Variants in NCAM2 observed in about 807,000 individuals in gnomAD.
NCAM2 encodes N-CAM-2.
Under a neutral mutation model 98.1 loss-of-function variants are expected in NCAM2, and 30 were observed. The ratio of observed to expected loss-of-function variants is 0.31; its 90% CI spans 0.23 to 0.41. NCAM2 has a LOEUF of 0.41. Among genes scored for constraint, NCAM2 ranks in the 10% least tolerant of loss-of-function variants. NCAM2 has a pLI of 1.00. For synonymous variants in NCAM2, 368 were observed against 342.4 expected (o/e 1.07, Z -0.83); for missense variants, 867 against 1,005.8 (o/e 0.86, Z 1.87).
At chr21:21,351,046 G>A (rs1408773786) in intron 8 of NCAM2, among the ~76,000 whole-genome samples, 1 of 148,982 alleles carries the variant, frequency 6.7e-6, no homozygotes, top group African/African-American at 2.5e-5. Context: ...CGCGGGAGGC[G>A]GAGGTTGCAG....
At chr21:21,530,416 TA>T (rs1399105748) in intron 16 of NCAM2, among the ~76,000 whole-genome samples, 1 of 149,016 alleles carries the variant, frequency 6.7e-6, no homozygotes, top group African/African-American at 2.4e-5. Flanking sequence ...CAAAGAAATG[TA>T]AAAAGTAGAA....
At position 21,538,010 on chromosome 21, in the gene NCAM2, G is replaced by T. The variant is rs2146438680; in HGVS notation, c.*53G>T. On this transcript the variant is annotated 3_prime_UTR_variant, in exon 18 of 18. Transcript: ENST00000400546. Reference sequence around the variant, plus strand: ...ACTACGAAGAGTATTTGGATTGCGTGACCCTATGACCAAAACTATTCCATT... The same window carrying T: ...ACTACGAAGAGTATTTGGATTGCGTTACCCTATGACCAAAACTATTCCATT... 9.7e-7 allele frequency: 1 copy of T among 1,028,688 alleles called. No individual in the cohort carries two copies. Among genetic ancestry groups the T allele is most frequent in the South Asian group, 1.8e-5 (1 of 55,878 alleles). The allele number at this position is 1,028,688 out of a possible 1,614,324, so 63.7% of individuals were successfully genotyped here.
intron 1 of NCAM2, among the ~76,000 whole-genome samples, chr21:21,059,015 C>G (rs1345406227): frequency 6.6e-6 from 1 of 152,076 alleles, no homozygotes; most frequent in African/African-American, 2.4e-5. Context: ...GACTGCATAT[C>G]TCTGTCTTGT....
At chr21:21,137,855 G>C (rs1172031697) in intron 1 of NCAM2, among the ~76,000 whole-genome samples, 1 of 139,668 alleles carries the variant, frequency 7.2e-6, no homozygotes, top group East Asian at 2.1e-4. Flanking sequence ...TTTTTTTTCT[G>C]TGTTGTGATT....
chr21:21,186,234 T>C (rs1284221781), intron 1 of NCAM2, among the ~76,000 whole-genome samples: 2 of 152,206 alleles, frequency 1.3e-5, no homozygotes, highest in African/African-American at 2.4e-5. Context: ...TTTTGTGTAA[T>C]AGCTCAAATT....
intron 1 of NCAM2, among the ~76,000 whole-genome samples, chr21:21,099,538 T>C (rs2066195152): frequency 6.6e-6 from 1 of 151,838 alleles, no homozygotes; most frequent in Non-Finnish European, 1.5e-5. Context: ...CCATCAGATC[T>C]GGTGAAAACT....
intron 5 of NCAM2, among the ~76,000 whole-genome samples, chr21:21,294,940 A>G: frequency 6.6e-6 from 1 of 151,880 alleles, no homozygotes; most frequent in African/African-American, 2.4e-5. Flanking sequence ...TATTCATATT[A>G]TTTGATCTTT....
intron 14 of NCAM2, among the ~76,000 whole-genome samples, chr21:21,471,415 C>T (rs1159565418): frequency 1.3e-5 from 2 of 151,974 alleles, no homozygotes; most frequent in Non-Finnish European, 2.9e-5. Context: ...TTCCAAACTA[C>T]TTCATCTATT....
chr21:20,998,463 C>G lies in NCAM2; in HGVS notation c.-101C>G. ...GGCGGCTGGGGCACCGCGGGAGCGG[C>G]GGCGGCGGCTCTAGCAGAGGCGGCC... On this transcript the variant is annotated 5_prime_UTR_variant, in exon 1 of 18. Coordinates refer to ENST00000400546, the MANE Select transcript of NCAM2 (RefSeq NM_004540.5). The G allele has an allele frequency of 5.1e-6, 6 of 1,172,528 alleles. No homozygotes were observed. Among genetic ancestry groups the G allele is most frequent in the Non-Finnish European group, 7.1e-6 (6 of 839,864 alleles). The allele number at this position is 1,172,528 out of a possible 1,614,324, so 72.6% of individuals were successfully genotyped here.
intron 14 of NCAM2, among the ~76,000 whole-genome samples, chr21:21,471,660 A>G (rs1984456521): frequency 6.6e-6 from 1 of 152,040 alleles, no homozygotes; most frequent in Non-Finnish European, 1.5e-5. Flanking sequence ...AATTTAGACA[A>G]TATATTCTTT....
chr21:21,330,127 GT>G (rs2074631534), intron 6 of NCAM2, among the ~76,000 whole-genome samples: 1 of 151,578 alleles, frequency 6.6e-6, no homozygotes, highest in Non-Finnish European at 1.5e-5. Flanking sequence ...TTTCTTTTTT[GT>G]TTCCTATTCT....
rs77827030 is a variant in NCAM2 at position 21,126,218 on chromosome 21, C to T, written c.55+127600C>T. Among the ~76,000 whole-genome samples the T allele has an allele frequency of 6.9e-3, 813 of 118,284 alleles. 6 individuals are homozygous for T. Among genetic ancestry groups the T allele is most frequent in the African/African-American group, 0.025 (765 of 31,040 alleles). 77.6% of individuals were successfully genotyped at this position (118,284 alleles called of 152,430 possible). On this transcript the variant is annotated intron_variant, in intron 1 of 17. Transcript: ENST00000400546. The stretch of plus-strand genomic sequence containing the variant: ...TGAGACCAGATCTGACTTCCATTTC[C>T]GATACTATCATGGAACATAAAAAAA...
chr21:21,449,786 A>G (rs1176510477), intron 12 of NCAM2, among the ~76,000 whole-genome samples: 2 of 152,052 alleles, frequency 1.3e-5, no homozygotes, highest in Admixed American at 6.6e-5. Flanking sequence ...TTCTATTTCA[A>G]TAGTACCATC....
At chr21:21,485,398 C>G (rs913750195) in intron 15 of NCAM2, among the ~76,000 whole-genome samples, 1 of 152,026 alleles carries the variant, frequency 6.6e-6, no homozygotes, top group Non-Finnish European at 1.5e-5. Context: ...ATCTGGTAGT[C>G]AGAATTCTTG....
chr21:21,099,003 C>T (rs1283081140), intron 1 of NCAM2, among the ~76,000 whole-genome samples: 1 of 151,758 alleles, frequency 6.6e-6, no homozygotes, highest in Non-Finnish European at 1.5e-5. Flanking sequence ...AAACCAAGTC[C>T]AGGTGATATG....
At chr21:21,077,933 A>G (rs2146391114) in intron 1 of NCAM2, among the ~76,000 whole-genome samples, 1 of 152,260 alleles carries the variant, frequency 6.6e-6, no homozygotes, top group African/African-American at 2.4e-5. Context: ...GGTGAGGTGT[A>G]CCAGTAAATT....
intron 1 of NCAM2, among the ~76,000 whole-genome samples, chr21:21,116,442 T>C (rs1332892537): frequency 6.6e-6 from 1 of 152,206 alleles, no homozygotes; most frequent in Non-Finnish European, 1.5e-5. Context: ...CAAGTAGATA[T>C]GGCTGACGAA....
At chr21:21,100,062 A>C (rs1028999302) in intron 1 of NCAM2, among the ~76,000 whole-genome samples, 2 of 151,898 alleles carry the variant, frequency 1.3e-5, no homozygotes, top group African/African-American at 4.8e-5. Context: ...CTTCAGGAAA[A>C]GGCCTACATA....
chr21:21,396,967 T>C (rs947414755), intron 9 of NCAM2, among the ~76,000 whole-genome samples: 1 of 152,318 alleles, frequency 6.6e-6, no homozygotes, highest in Admixed American at 6.5e-5. Flanking sequence ...CCCGCCATTC[T>C]GCAGATCCTG....
Sources: allele counts gnomAD v4.1 joint callset (sites outside exome capture counted in the v4.1 genomes callset), GRCh38; gene constraint gnomAD v4.1.1; transcripts MANE v1.5; gene names NCBI Gene and HGNC (gene_info 2026-07-23, HGNC 2026-07-21).